PTPRA: variants seen among roughly 807,000 people sequenced by gnomAD.
The protein encoded by PTPRA is receptor-type tyrosine-protein phosphatase alpha.
A neutral mutation model predicts 104.8 loss-of-function variants in PTPRA; 25 were observed. That is an observed-to-expected ratio of 0.24 (90% CI 0.17 to 0.33). The LOEUF is 0.33. Among genes scored for constraint, PTPRA ranks in the 10% least tolerant of loss-of-function variants. PTPRA has a pLI of 1.00. For missense variants in PTPRA, 765 were observed against 1,015.3 expected, an observed-to-expected ratio of 0.75 and a Z score of 3.35; for synonymous variants, 323 against 368.9, an observed-to-expected ratio of 0.88 and a Z score of 1.43.
chr20:3,010,153 A>C (rs542651386), intron 11 of PTPRA, among the ~76,000 whole-genome samples: 1 of 151,000 alleles, frequency 6.6e-6, no homozygotes, highest in South Asian at 2.1e-4. Flanking sequence ...CCCAGCTGGA[A>C]CATTTATTTG....
intron 6 of PTPRA, among the ~76,000 whole-genome samples, chr20:2,981,389 A>G (rs548103443): frequency 2.8e-4 from 42 of 152,248 alleles, no homozygotes; most frequent in African/African-American, 8.9e-4. Flanking sequence ...ACTGGGGGCT[A>G]TTTCCCCCAC....
At chr20:2,882,024 A>C (rs1359333804) in intron 1 of PTPRA, among the ~76,000 whole-genome samples, 4 of 152,126 alleles carry the variant, frequency 2.6e-5, no homozygotes, top group African/African-American at 9.7e-5. Context: ...AAAGACAAAA[A>C]AACACATACC....
intron 1 of PTPRA, among the ~76,000 whole-genome samples, chr20:2,894,988 CAAAA>C (rs58817434): frequency 8.6e-5 from 9 of 104,458 alleles, no homozygotes; most frequent in African/African-American, 1.2e-4. Context: ...CTCCTTCACC[CAAAA>C]AAAAAAAAAA....
intron 1 of PTPRA, among the ~76,000 whole-genome samples, chr20:2,892,473 A>T (rs1399096785): frequency 6.6e-6 from 1 of 152,050 alleles, no homozygotes; most frequent in Non-Finnish European, 1.5e-5. Context: ...TTGAAATTTG[A>T]TCTTTTCCCA....
At chr20:2,905,691 T>G (rs1462454301) in intron 1 of PTPRA, among the ~76,000 whole-genome samples, 2 of 80,180 alleles carry the variant, frequency 2.5e-5, no homozygotes, top group African/African-American at 2.7e-4. Context: ...CATAAAATTC[T>G]TTTTTTTTTT....
At chr20:3,020,043 C>T (rs1451631927) in intron 13 of PTPRA, among the ~76,000 whole-genome samples, 3 of 152,148 alleles carry the variant, frequency 2.0e-5, no homozygotes, top group Non-Finnish European at 2.9e-5. Flanking sequence ...AGCTTCGGCT[C>T]GGCATCGGAG....
chr20:2,975,356 A>G, intron 6 of PTPRA, 115 bp downstream of exon 6: 1 of 888,626 alleles, frequency 1.1e-6, no homozygotes, highest in Non-Finnish European at 1.6e-6. Context: ...TTGTTTGTTT[A>G]CTTTCCCTTA....
At chr20:2,939,995 A>G (rs1055926654) in intron 2 of PTPRA, among the ~76,000 whole-genome samples, 3 of 152,236 alleles carry the variant, frequency 2.0e-5, no homozygotes, top group African/African-American at 7.2e-5. Flanking sequence ...CTGTAATCCC[A>G]GCTACTTGGG....
chr20:3,016,703 G>A (rs1008631403), intron 12 of PTPRA, among the ~76,000 whole-genome samples: 2 of 152,218 alleles, frequency 1.3e-5, no homozygotes, highest in African/African-American at 2.4e-5. Flanking sequence ...TTGCACTACT[G>A]TACTCCAGCC....
At chr20:2,962,788 A>G (rs2061801851) in intron 3 of PTPRA, among the ~76,000 whole-genome samples, 1 of 152,224 alleles carries the variant, frequency 6.6e-6, no homozygotes, top group Admixed American at 6.5e-5. Flanking sequence ...GCCACTGCTG[A>G]ACCCATTTCC....
intron 5 of PTPRA, among the ~76,000 whole-genome samples, chr20:2,972,144 A>C (rs1477664604): frequency 2.0e-5 from 3 of 151,776 alleles, no homozygotes; most frequent in Non-Finnish European, 4.4e-5. Flanking sequence ...TTATTTATTC[A>C]TTTTTTAGAG....
chr20:2,898,584 G>T (rs561280966), intron 1 of PTPRA, among the ~76,000 whole-genome samples: 2 of 151,932 alleles, frequency 1.3e-5, no homozygotes, highest in Non-Finnish European at 2.9e-5. Context: ...TGGGCTGGGC[G>T]AGGTGGCTCA....
intron 13 of PTPRA, among the ~76,000 whole-genome samples, chr20:3,020,011 C>T (rs906381004): frequency 1.1e-4 from 17 of 152,178 alleles, no homozygotes; most frequent in Admixed American, 7.8e-4. Context: ...TGCAGTGAGC[C>T]GAGATGGCAG....
intron 1 of PTPRA, among the ~76,000 whole-genome samples, chr20:2,922,689 G>T (rs1486857193): frequency 6.6e-6 from 1 of 151,450 alleles, no homozygotes; most frequent in Non-Finnish European, 1.5e-5. Flanking sequence ...CTGAGCTGGA[G>T]TGCAGTGGCG....
At chr20:2,975,156 G>T in intron 5 of PTPRA, 59 bp from the exon 6 acceptor site, 1 of 1,419,002 alleles carries the variant, frequency 7.0e-7, no homozygotes, top group South Asian at 1.2e-5. Context: ...TACTCTAATT[G>T]AATTGTAATG....
At chr20:2,953,362 C>T (rs2061416977) in intron 3 of PTPRA, among the ~76,000 whole-genome samples, 1 of 152,012 alleles carries the variant, frequency 6.6e-6, no homozygotes. Context: ...TCAAGCGATT[C>T]TCCTGCCTCA....
At chr20:2,942,878 T>C (rs2060971540) in intron 2 of PTPRA, among the ~76,000 whole-genome samples, 1 of 152,048 alleles carries the variant, frequency 6.6e-6, no homozygotes, top group Admixed American at 6.6e-5. Flanking sequence ...AAACCACAGA[T>C]ATATATTTTC....
chr20:3,009,555 A>G (rs551199819), intron 11 of PTPRA, among the ~76,000 whole-genome samples: 12 of 152,178 alleles, frequency 7.9e-5, no homozygotes, highest in Non-Finnish European at 1.6e-4. Context: ...CAGTCCGGGC[A>G]TTCTCACTGG....
chr20:2,865,402 C>G, the PTPRA span: 1 of 1,614,120 alleles, frequency 6.2e-7, no homozygotes, highest in Admixed American at 1.7e-5. This position sits in a 1 kb window ranked among gnomAD's most constrained non-coding sequence, Gnocchi z 5.2. Flanking sequence ...CCTGCAGGCT[C>G]TGGTGGCTGA....
Sources: gnomAD v4.1 joint callset for allele counts (sites outside exome capture counted in the v4.1 genomes callset) on GRCh38, gnomAD v4.1.1 for gene constraint, Gnocchi (gnomAD v3.1) non-coding constraint, MANE v1.5 for transcripts, NCBI Gene and HGNC (gene_info 2026-07-23, HGNC 2026-07-21) for gene names.